The following KIAA0825 variants were observed in gnomAD, a reference collection of about 807,000 sequenced individuals.
The protein encoded by KIAA0825 is KIAA0825, also known as uncharacterized protein KIAA0825.
KIAA0825 carries 119 observed loss-of-function variants against 147.6 expected under a neutral mutation model. The ratio of observed to expected loss-of-function variants is 0.81; its 90% CI spans 0.69 to 0.94. The LOEUF (loss-of-function observed/expected upper bound fraction) is 0.94, where lower values mean the gene tolerates loss of function less well. KIAA0825 is among the 40% of genes least tolerant of loss of function. The pLI, the probability that KIAA0825 is intolerant of heterozygous loss-of-function variation, is 0.00. For synonymous variants in KIAA0825, 470 were observed against 518.1 expected (o/e 0.91, Z 1.26); for missense variants, 1,381 against 1,472.7 (o/e 0.94, Z 1.02).
chr5:94,324,102 A>G (rs1780457624), intron 20 of KIAA0825, among the ~76,000 whole-genome samples: 1 of 151,980 alleles, frequency 6.6e-6, no homozygotes, highest in African/African-American at 2.4e-5. Flanking sequence ...TCGTGGCATT[A>G]TATTGTCTCT....
chr5:94,477,580 T>G (rs1331116377), intron 6 of KIAA0825, among the ~76,000 whole-genome samples: 1 of 152,138 alleles, frequency 6.6e-6, no homozygotes, highest in Non-Finnish European at 1.5e-5. Flanking sequence ...ATTTCCTTGT[T>G]CATTTAAAAA....
intron 13 of KIAA0825, among the ~76,000 whole-genome samples, chr5:94,448,220 G>A (rs1370498463): frequency 6.6e-6 from 1 of 150,668 alleles, no homozygotes; most frequent in Non-Finnish European, 1.5e-5. Context: ...CTATACCACT[G>A]CTAAGGACAA....
intron 2 of KIAA0825, among the ~76,000 whole-genome samples, chr5:94,560,567 A>G (rs1264413477): frequency 6.6e-6 from 1 of 152,212 alleles, no homozygotes; most frequent in East Asian, 1.9e-4. Flanking sequence ...CAGAGGCCAT[A>G]TGTGTCCACA....
At chr5:94,420,868 G>C (rs1299187552) in intron 14 of KIAA0825, among the ~76,000 whole-genome samples, 1 of 152,056 alleles carries the variant, frequency 6.6e-6, no homozygotes, top group Admixed American at 6.6e-5. Flanking sequence ...GATAGGTTTT[G>C]GTCCATCTAG....
At chr5:94,439,762 TA>T (rs1282456892) in intron 14 of KIAA0825, among the ~76,000 whole-genome samples, 5 of 152,206 alleles carry the variant, frequency 3.3e-5, no homozygotes, top group African/African-American at 1.2e-4. Context: ...CAGTGTCATA[TA>T]AAAATATAGT....
chr5:94,531,983 C>T (rs144347094), intron 3 of KIAA0825, among the ~76,000 whole-genome samples: 108 of 151,838 alleles, frequency 7.1e-4, no homozygotes, highest in East Asian at 4.3e-3. Flanking sequence ...AGCCATCATA[C>T]GGAAAACTTG....
At chr5:94,496,545 G>A (rs1764379865) in intron 5 of KIAA0825, among the ~76,000 whole-genome samples, 1 of 152,160 alleles carries the variant, frequency 6.6e-6, no homozygotes, top group Non-Finnish European at 1.5e-5. Flanking sequence ...TAAGAGTAAT[G>A]GTAGGGTAGA....
At chr5:94,529,380 A>G (rs142838153) in intron 3 of KIAA0825, among the ~76,000 whole-genome samples, 3 of 146,972 alleles carry the variant, frequency 2.0e-5, no homozygotes, top group African/African-American at 7.4e-5. Flanking sequence ...TATATATCTC[A>G]TATATGTATA....
At chr5:94,470,291 C>A (rs1366221491) in intron 9 of KIAA0825, among the ~76,000 whole-genome samples, 180 bp from the exon 10 acceptor site, 4 of 152,114 alleles carry the variant, frequency 2.6e-5, no homozygotes, top group African/African-American at 7.2e-5. Context: ...AAAAGCTGGT[C>A]TTTGTTTTGC....
intron 3 of KIAA0825, among the ~76,000 whole-genome samples, chr5:94,536,698 T>G (rs184363723): frequency 1.3e-5 from 2 of 152,336 alleles, no homozygotes; most frequent in Non-Finnish European, 2.9e-5. Context: ...TCTAACCATA[T>G]TAATGAAAAT....
chr5:94,182,545 C>T (rs1416881905), intron 20 of KIAA0825, among the ~76,000 whole-genome samples: 3 of 151,810 alleles, frequency 2.0e-5, no homozygotes, highest in African/African-American at 7.3e-5. Flanking sequence ...CAGGTGAAAG[C>T]CACCATGCCC....
At chr5:94,583,054 T>C (rs1782522131) in intron 1 of KIAA0825, among the ~76,000 whole-genome samples, 1 of 152,132 alleles carries the variant, frequency 6.6e-6, no homozygotes, top group Non-Finnish European at 1.5e-5. Context: ...GGGAGGCGCT[T>C]CCAAGATGGC....
chr5:94,489,886 TCA>T (rs1763520070), intron 5 of KIAA0825, among the ~76,000 whole-genome samples: 1 of 104,658 alleles, frequency 9.6e-6, no homozygotes. Context: ...AGACTCTGTC[TCA>T]AAAAAAAAAA....
chr5:94,583,192 G>A (rs1393060694), intron 1 of KIAA0825, among the ~76,000 whole-genome samples: 2 of 152,324 alleles, frequency 1.3e-5, no homozygotes, highest in East Asian at 3.9e-4. Context: ...TGCAGCCCAT[G>A]GAGGGTGAGC....
Position 94,151,442 on chromosome 5 carries a change from A to C in KIAA0825, c.*2565T>G, listed in dbSNP as rs920626651. Among the ~76,000 whole-genome samples the C allele has an allele frequency of 1.3e-5, 2 of 151,250 alleles. No homozygotes were observed. The highest frequency in any genetic ancestry group is 6.6e-5 in the Admixed American group (1 of 15,212). On this transcript the variant is annotated 3_prime_UTR_variant, in exon 21 of 21. Coordinates refer to ENST00000682413, the MANE Select transcript of KIAA0825 (RefSeq NM_001145678.3). The stretch of plus-strand genomic sequence containing the variant: ...CCGTCTCAAAAAAAAAAAAAAAAAA[A>C]AAAAAAAAACATATTGAGTATAAAG...
At position 94,236,321 on chromosome 5, in the gene KIAA0825, T is replaced by TAAC. The variant is rs1775037853; in HGVS notation, c.3711-82200_3711-82198dup. 2.0e-5 allele frequency among the ~76,000 whole-genome samples: 3 copies of TAAC among 152,154 alleles called. No individual in the cohort carries two copies. The South Asian group carries it at 6.2e-4, about 32-fold the overall frequency. On this transcript the variant is annotated intron_variant, in intron 20 of 20. Coordinates refer to ENST00000682413, the MANE Select transcript of KIAA0825 (RefSeq NM_001145678.3). ...ATGTTTAGGACTTCAGTGGAGGAAG[T>TAAC]AACTGCAGAAGTGATGGAAACAGCA...
rs577462230 is a variant in KIAA0825 at position 94,470,689 on chromosome 5, G to C, written c.1722-578C>G. ...TTATGAGAATTAAAGAAATATCACA[G>C]TTATACCCTACATCAAGCCAAATTT... On this transcript the variant is annotated intron_variant, in intron 9 of 20. Coordinates refer to ENST00000682413, the MANE Select transcript of KIAA0825 (RefSeq NM_001145678.3). Among the ~76,000 whole-genome samples, 17 of 152,258 alleles carry C rather than the reference G, an allele frequency of 1.1e-4. 1 individual carries two copies. The East Asian group carries it at 3.3e-3, about 29-fold the overall frequency.
At chr5:94,291,061 AATTTTCTCCC>A (rs1251838449) in intron 20 of KIAA0825, among the ~76,000 whole-genome samples, 1 of 152,092 alleles carries the variant, frequency 6.6e-6, no homozygotes, top group Non-Finnish European at 1.5e-5. Flanking sequence ...AGATTGCAAA[AATTTTCTCCC>A]ATTCTGTAGG....
chr5:94,465,171 A>G (rs1310555633), intron 10 of KIAA0825, 112 bp from the exon 11 acceptor site: 3 of 879,464 alleles, frequency 3.4e-6, no homozygotes, highest in Non-Finnish European at 5.0e-6. Flanking sequence ...AGAGTTTGAC[A>G]CACTAGAAGA....
Sources: allele counts gnomAD v4.1 joint callset (sites outside exome capture counted in the v4.1 genomes callset), GRCh38; gene constraint gnomAD v4.1.1; transcripts MANE v1.5; gene names NCBI Gene and HGNC (gene_info 2026-07-23, HGNC 2026-07-21).